Variants in SAMD12 observed in about 807,000 individuals in gnomAD.
SAMD12 encodes sterile alpha motif domain containing 12.
A neutral mutation model predicts 15.0 loss-of-function variants in SAMD12; 9 were observed. The observed-to-expected ratio is 0.60, with a 90% CI of 0.36 to 1.05. The LOEUF (loss-of-function observed/expected upper bound fraction) is 1.05. SAMD12 is among the 50% of genes least tolerant of loss of function. The pLI is 0.01. For missense variants in SAMD12, 230 were observed against 234.2 expected (o/e 0.98, Z 0.12); for synonymous variants, 86 against 90.1 (o/e 0.96, Z 0.25).
At chr8:118,585,646 T>A (rs1233100853) in intron 1 of SAMD12, among the ~76,000 whole-genome samples, 1 of 152,180 alleles carries the variant, frequency 6.6e-6, no homozygotes, top group Non-Finnish European at 1.5e-5. Flanking sequence ...TGGTAAAAAT[T>A]ATAGCTCAAA....
At chr8:118,221,637 G>C (rs1812084415) in intron 4 of SAMD12, among the ~76,000 whole-genome samples, 1 of 152,226 alleles carries the variant, frequency 6.6e-6, no homozygotes, top group Non-Finnish European at 1.5e-5. Context: ...GCCAGATCAT[G>C]AAGAGACAGG....
At chr8:118,193,537 C>T (rs1021764493) in exon 5 of SAMD12, 3 of 152,156 alleles carry the variant, frequency 2.0e-5, no homozygotes, top group Non-Finnish European at 2.9e-5. Context: ...CCTGGCCTGT[C>T]CTCCTTCCTG....
intron 4 of SAMD12, among the ~76,000 whole-genome samples, chr8:118,232,994 C>G: frequency 6.6e-6 from 1 of 152,096 alleles, no homozygotes; most frequent in East Asian, 1.9e-4. Flanking sequence ...TCAGAGAAAC[C>G]GATCAGAGCA....
chr8:118,148,356 G>A, the SAMD12 span, among the ~76,000 whole-genome samples: 1 of 151,870 alleles, frequency 6.6e-6, no homozygotes, highest in Non-Finnish European at 1.5e-5. Context: ...TGATCTAGAG[G>A]GAAACTATTA....
At chr8:118,435,046 T>C (rs1586714322) in intron 3 of SAMD12, among the ~76,000 whole-genome samples, 1 of 24,238 alleles carries the variant, frequency 4.1e-5, no homozygotes, top group East Asian at 7.4e-4. Context: ...GAGCTTGCAG[T>C]GAGCCGAGAT....
chr8:118,229,455 G>T (rs1299831732), intron 4 of SAMD12, among the ~76,000 whole-genome samples: 3 of 152,022 alleles, frequency 2.0e-5, no homozygotes, highest in Non-Finnish European at 4.4e-5. Context: ...GCTCCCCCAA[G>T]TCCACAGTAT....
intron 1 of SAMD12, 82 bp downstream of exon 1, chr8:118,621,722 G>A (rs1165593024): frequency 6.6e-7 from 1 of 1,521,500 alleles, no homozygotes; most frequent in African/African-American, 1.4e-5. Flanking sequence ...GCCTCCCCAC[G>A]ATCGCCAAGC....
chr8:118,211,199 G>A (rs569112530), intron 4 of SAMD12, among the ~76,000 whole-genome samples: 1 of 152,322 alleles, frequency 6.6e-6, no homozygotes, highest in African/African-American at 2.4e-5. Flanking sequence ...CGTGGGAAGG[G>A]ATTGTGTTTA....
At chr8:118,266,825 A>G (rs1035096005) in intron 4 of SAMD12, among the ~76,000 whole-genome samples, 3 of 152,152 alleles carry the variant, frequency 2.0e-5, no homozygotes, top group African/African-American at 7.2e-5. Flanking sequence ...AACAGTTACC[A>G]GAGGCTAGGG....
chr8:118,173,081 G>A, the SAMD12 span, among the ~76,000 whole-genome samples: 1 of 152,164 alleles, frequency 6.6e-6, no homozygotes, highest in Non-Finnish European at 1.5e-5. Flanking sequence ...GCATAAGATA[G>A]GAATCATACT....
At chr8:118,495,217 T>A (rs541085849) in intron 2 of SAMD12, among the ~76,000 whole-genome samples, 3 of 152,258 alleles carry the variant, frequency 2.0e-5, no homozygotes, top group South Asian at 4.1e-4. Context: ...ACTGAAGTCA[T>A]CAGATTGTCA....
the SAMD12 span, among the ~76,000 whole-genome samples, chr8:118,178,890 G>T: frequency 6.6e-6 from 1 of 152,200 alleles, no homozygotes; most frequent in African/African-American, 2.4e-5. Flanking sequence ...TCTAATGTAC[G>T]TGGGGCACCT....
At chr8:118,175,630 C>T in the SAMD12 span, among the ~76,000 whole-genome samples, 6 of 152,070 alleles carry the variant, frequency 3.9e-5, no homozygotes, top group South Asian at 2.1e-4. Flanking sequence ...CTATAAGGGA[C>T]CTAAACAAAT....
intron 3 of SAMD12, among the ~76,000 whole-genome samples, chr8:118,408,417 G>C (rs1441968482): frequency 6.6e-6 from 1 of 152,118 alleles, no homozygotes; most frequent in Non-Finnish European, 1.5e-5. Flanking sequence ...AGGATCATCA[G>C]CCTCCATATC....
At chr8:118,240,894 G>A (rs1278429537) in intron 4 of SAMD12, among the ~76,000 whole-genome samples, 1 of 152,064 alleles carries the variant, frequency 6.6e-6, no homozygotes, top group African/African-American at 2.4e-5. Context: ...TCCACAAAAT[G>A]CTGATGAACA....
Position 118,618,732 on chromosome 8 carries a change from G to C in SAMD12, c.13+3072C>G, listed in dbSNP as rs577739945. The stretch of plus-strand genomic sequence containing the variant: ...GCAGGCACCTGTAGCCCAGCTACTC[G>C]GGAGGCTGAGGCAGGAAAATGGCGT... On this transcript the variant is annotated intron_variant, in intron 1 of 3. Coordinates refer to ENST00000314727, the MANE Select transcript of SAMD12 (RefSeq NM_207506.3). Among the ~76,000 whole-genome samples, 14 of 152,004 alleles carry C rather than the reference G, an allele frequency of 9.2e-5. No individual in the cohort carries two copies. In the East Asian group the frequency reaches 2.1e-3, roughly 23 times the overall value.
exon 5 of SAMD12, chr8:118,191,676 G>T (rs1306189252): frequency 6.9e-6 from 1 of 145,152 alleles, no homozygotes; most frequent in Non-Finnish European, 1.5e-5. Context: ...ATTGTCAAAA[G>T]TAGACATAGA....
chr8:118,444,715 T>C (rs114354536), intron 2 of SAMD12, among the ~76,000 whole-genome samples: 2,066 of 152,306 alleles, frequency 0.014, 38 homozygotes, highest in African/African-American at 0.047. Context: ...TTAAATGCCT[T>C]AAAGAAGGTT....
chr8:118,141,499 G>T, the SAMD12 span, among the ~76,000 whole-genome samples: 4 of 152,206 alleles, frequency 2.6e-5, no homozygotes, highest in South Asian at 4.1e-4. Context: ...CAAATCTGAA[G>T]CCAAGGTCTG....
Sources: allele counts gnomAD v4.1 joint callset (sites outside exome capture counted in the v4.1 genomes callset), GRCh38; gene constraint gnomAD v4.1.1; transcripts MANE v1.5; gene names NCBI Gene and HGNC (gene_info 2026-07-23, HGNC 2026-07-21).